Variants in FUOM observed in about 807,000 individuals in gnomAD.
The protein encoded by FUOM is fucose mutarotase.
A neutral mutation model predicts 18.3 loss-of-function variants in FUOM; 19 were observed. The observed-to-expected ratio is 1.04, with a 90% CI of 0.73 to 1.53. The LOEUF is 1.53. Ranked by LOEUF, FUOM falls within the 40% of genes most tolerant of loss-of-function variation. FUOM has a pLI of 0.00. For missense variants in FUOM, 210 were observed against 200.9 expected (o/e 1.04, Z -0.27); for synonymous variants, 102 against 87.9 (o/e 1.16, Z -0.90).
rs1291002938 is a variant in FUOM, at chr10:133,356,652, C to T, written c.312G>A (p.Arg104=). The T allele has an allele frequency of 4.4e-6, 7 of 1,582,272 alleles. No homozygotes were observed. Among genetic ancestry groups the T allele is most frequent in the Middle Eastern group, 1.7e-4 (1 of 5,944 alleles). Residue 104 remains arginine (R), a synonymous_variant, in exon 4 of 6, where the codon AGG becomes AGA. Transcript: ENST00000278025. ...GCTGCAGGCTTACCACACAGCCGGC[C>T]CTGCGTAGGATGGACTCGTACTCCG... is the stretch of plus-strand genomic sequence containing the variant. ...VWTEYESILR[R]AGCVRALAKI...
chr10:133,357,164 TG>T (rs1195103126), intron 2 of FUOM, 22 bp downstream of exon 2: 5 of 1,460,910 alleles, frequency 3.4e-6, no homozygotes, highest in Non-Finnish European at 4.7e-6. Flanking sequence ...CGCCCTGCCC[TG>T]GGGGACCTGG....
chr10:133,357,421 G>T (rs530169932), intron 1 of FUOM, 166 bp from the exon 2 acceptor site: 3 of 692,800 alleles, frequency 4.3e-6, no homozygotes, highest in Non-Finnish European at 5.1e-6. Flanking sequence ...GATCCGCAGG[G>T]CTGGAAGCCA....
At position 133,355,590 on chromosome 10, in the gene FUOM, G is replaced by C. The variant is rs1480803543; in HGVS notation, c.398+148C>G. ...CCCTGCCCCCCCGAAATTCCTCCCT[G>C]GTCTCTCCACTCTGTGGGACGTCTA... On this transcript the variant is annotated intron_variant, in intron 5 of 5. Transcript: ENST00000278025. 7.5e-6 allele frequency: 12 copies of C among 1,592,584 alleles called. No homozygotes were observed. The South Asian group carries it at 1.2e-4, about 16-fold the overall frequency.
At chr10:133,355,462 G>T in intron 5 of FUOM, 26 bp from the exon 6 acceptor site, 1 of 1,608,944 alleles carries the variant, frequency 6.2e-7, no homozygotes. Flanking sequence ...GCCCAGCACT[G>T]AGCTGGGCTG....
downstream of FUOM, among the ~76,000 whole-genome samples, chr10:133,353,338 C>G (rs1355234336): frequency 6.6e-6 from 1 of 152,198 alleles, no homozygotes; most frequent in East Asian, 1.9e-4. Flanking sequence ...CAGGTCCAGG[C>G]TGCTGGAGTC....
chr10:133,357,502 G>T (rs1256575942), intron 1 of FUOM: 2 of 579,104 alleles, frequency 3.5e-6, no homozygotes, highest in Non-Finnish European at 6.2e-6. Flanking sequence ...CCGCGAGGCT[G>T]TCGGGTGCTG....
At chr10:133,357,759 C>A in intron 1 of FUOM, 164 bp downstream of exon 1, 1 of 562,936 alleles carries the variant, frequency 1.8e-6, no homozygotes. Context: ...GTCTCAGTTC[C>A]CTAAAGAATG....
chr10:133,355,310 T>C lies in FUOM; in HGVS notation c.*60A>G. 5 of 1,526,802 alleles carry C rather than the reference T, an allele frequency of 3.3e-6. No individual in the cohort carries two copies. Among genetic ancestry groups the C allele is most frequent in the Non-Finnish European group, 4.4e-6 (5 of 1,140,534 alleles). The allele number at this position is 1,526,802 out of a possible 1,614,324, so 94.6% of individuals were successfully genotyped here. Reference sequence around the variant, plus strand: ...CCACTGGGAGGCCTGTTGTGAGTGGTGGTACTGGAGCTCAGGGTGCCCCCA... The same window carrying C: ...CCACTGGGAGGCCTGTTGTGAGTGGCGGTACTGGAGCTCAGGGTGCCCCCA... On this transcript the variant is annotated 3_prime_UTR_variant, in exon 6 of 6. Coordinates refer to ENST00000278025, the MANE Select transcript of FUOM (RefSeq NM_001098483.3).
At position 133,356,754 on chromosome 10, in the gene FUOM, A is replaced by T; in HGVS notation, c.226-16T>A. On this transcript the variant is annotated splice_polypyrimidine_tract_variant and intron_variant, in intron 3 of 5. Transcript: ENST00000278025. The stretch of plus-strand genomic sequence containing the variant: ...TGACTGCAGCCTAGAGGGAGGGGTC[A>T]GCTCTGGGGCCCTGGGCACTGCCAG... 1 of 1,551,568 alleles carries T rather than the reference A, an allele frequency of 6.4e-7. No individual in the cohort carries two copies. Among genetic ancestry groups the T allele is most frequent in the Non-Finnish European group, 8.7e-7 (1 of 1,147,254 alleles).
At chr10:133,355,475 G>A (rs1564796946) in intron 5 of FUOM, 39 bp from the exon 6 acceptor site, 1 of 1,607,594 alleles carries the variant, frequency 6.2e-7, no homozygotes, top group East Asian at 2.2e-5. Flanking sequence ...CTGGGCTGCA[G>A]GGCCAGGGTG....
chr10:133,355,713 C>T, intron 5 of FUOM, 25 bp downstream of exon 5: 2 of 1,610,800 alleles, frequency 1.2e-6, no homozygotes, highest in Admixed American at 3.3e-5. Context: ...GGGGATGGGG[C>T]AGGTCTGAGC....
chr10:133,357,123 G>A (rs1007527785), intron 2 of FUOM, 64 bp downstream of exon 2: 6 of 1,542,194 alleles, frequency 3.9e-6, no homozygotes, highest in Non-Finnish European at 5.3e-6. Context: ...CCACAGAGGA[G>A]CCTCAGAGCC....
chr10:133,356,790 C>T (rs1024838401), intron 3 of FUOM, 52 bp from the exon 4 acceptor site: 3 of 1,481,350 alleles, frequency 2.0e-6, no homozygotes, highest in Non-Finnish European at 2.7e-6. Context: ...CCTTCCTGGT[C>T]AGGTGACCAT....
chr10:133,355,642 A>G, intron 5 of FUOM, 96 bp downstream of exon 5: 6 of 1,550,196 alleles, frequency 3.9e-6, no homozygotes, highest in Non-Finnish European at 5.3e-6. Context: ...AGCTGAGAAG[A>G]GGGTAGGGGC....
chr10:133,357,923 C>T lies in FUOM; in HGVS notation c.85G>A (p.Val29Ile). The part of the protein sequence containing the change: ...LARMGHGDEI[V>I]LADLNFPASS... ...CGAGGCCCCGGCCCGCTGCGCTCAC[C>T]GATCTCGTCCCCGTGCCCCATCCGC... The change falls in exon 1 of 6, where the codon GTT becomes ATT. Residue 29 changes from valine (V) to isoleucine (I), a missense_variant and splice_region_variant. Coordinates refer to ENST00000278025, the MANE Select transcript of FUOM (RefSeq NM_001098483.3). 1 of 1,523,404 alleles carries T rather than the reference C, an allele frequency of 6.6e-7. No individual in the cohort carries two copies. The highest frequency in any genetic ancestry group is 8.8e-7 in the Non-Finnish European group (1 of 1,139,256). 94.4% of individuals were successfully genotyped at this position (1,523,404 alleles called of 1,614,324 possible).
downstream of FUOM, chr10:133,355,064 C>G (rs931943815): frequency 1.2e-5 from 5 of 414,524 alleles, no homozygotes; most frequent in African/African-American, 1.0e-4. Flanking sequence ...ATTTCCCACT[C>G]AAGGTTCGTC....
At chr10:133,357,869 CG>C (rs1333521944) in intron 1 of FUOM, 53 bp downstream of exon 1, 140 of 1,440,378 alleles carry the variant, frequency 9.7e-5, no homozygotes, top group Non-Finnish European at 1.3e-4. Context: ...GTGCAAGCCT[CG>C]CCCTCCTGCC....
chr10:133,356,828 C>T (rs1848818157), intron 3 of FUOM, 90 bp from the exon 4 acceptor site: 1 of 1,445,048 alleles, frequency 6.9e-7, no homozygotes, highest in Non-Finnish European at 9.4e-7. Context: ...AGGGTCAGGG[C>T]CCCTTTGGGG....
chr10:133,357,855 C>T, intron 1 of FUOM, 68 bp downstream of exon 1: 1 of 1,358,668 alleles, frequency 7.4e-7, no homozygotes, highest in Non-Finnish European at 9.9e-7. Flanking sequence ...GCCCGGGGGT[C>T]CCCGTGCAAG....
Sources: allele counts gnomAD v4.1 joint callset (sites outside exome capture counted in the v4.1 genomes callset), GRCh38; gene constraint gnomAD v4.1.1; transcripts MANE v1.5; gene names NCBI Gene and HGNC (gene_info 2026-07-23, HGNC 2026-07-21).